The following PTH variants were observed in gnomAD, a reference collection of about 807,000 sequenced individuals.
PTH encodes parathormone.
In PTH, 7 loss-of-function variants were observed where a neutral mutation model predicts 7.4. That is an observed-to-expected ratio of 0.94 (90% CI 0.53 to 1.77). The LOEUF (loss-of-function observed/expected upper bound fraction) is 1.77, where lower values mean the gene tolerates loss of function less well. Among genes scored for constraint, PTH ranks in the 40% most tolerant of loss-of-function variants. The pLI, the probability that PTH is intolerant of heterozygous loss-of-function variation, is 0.00. For synonymous variants in PTH, 51 were observed against 46.6 expected (o/e 1.09, Z -0.39); for missense variants, 128 against 137.1 (o/e 0.93, Z 0.33).
chr11:13,495,154 T>G (rs2134094638), intron 1 of PTH, among the ~76,000 whole-genome samples: 1 of 152,366 alleles, frequency 6.6e-6, no homozygotes, highest in East Asian at 1.9e-4. Flanking sequence ...TTCTTCAACT[T>G]ATTTTATTAA....
At chr11:13,495,878 G>C (rs1847529959) in intron 1 of PTH, 33 bp downstream of exon 1, 1 of 152,160 alleles carries the variant, frequency 6.6e-6, no homozygotes, top group Non-Finnish European at 1.5e-5. Context: ...AAAATCTCAT[G>C]AGATTCAGAA....
chr11:13,492,569 C>G lies in PTH; in HGVS notation c.184G>C (p.Val62Leu). 1.2e-6 allele frequency: 2 copies of G among 1,614,158 alleles called. No homozygotes were observed. Among genetic ancestry groups the G allele is most frequent in the Non-Finnish European group, 1.7e-6 (2 of 1,180,022 alleles). ...GCTCCAAGGGCAACAAAATTGTGCA[C>G]ATCCTGCAGCTTCTTACGCAGCCAT... ...VEWLRKKLQD[V>L]HNFVALGAPL... Residue 62 changes from valine (V) to leucine (L), a missense_variant, in exon 3 of 3, where the codon GTG becomes CTG. Physicochemically the swap from Val to Leu is conservative, Grantham distance 32. Coordinates refer to ENST00000282091, the MANE Select transcript of PTH (RefSeq NM_000315.4).
rs886189291 is a variant in PTH at position 13,492,844 on chromosome 11, T to C, written c.12A>G (p.Ala4=). 1 of 1,613,810 alleles carries C rather than the reference T, an allele frequency of 6.2e-7. No homozygotes were observed. The highest frequency in any genetic ancestry group is 8.5e-7 in the Non-Finnish European group (1 of 1,179,862). MIP[A]KDMAKVMIVM... ...CAATCATAACTTTAGCCATGTCTTT[T>C]GCAGGTATCATCTTCACTAAAAGGA... Residue 4 remains alanine (A), a synonymous_variant, in exon 2 of 3, where the codon GCA becomes GCG. Coordinates refer to ENST00000282091, the MANE Select transcript of PTH (RefSeq NM_000315.4).
chr11:13,492,936 T>C, intron 1 of PTH, 76 bp from the exon 2 acceptor site: 1 of 1,326,420 alleles, frequency 7.5e-7, no homozygotes, highest in Non-Finnish European at 1.1e-6. Context: ...AATGCAATAC[T>C]AACTAATTGG....
At chr11:13,494,483 C>G (rs1349369997) in intron 1 of PTH, among the ~76,000 whole-genome samples, 3 of 152,154 alleles carry the variant, frequency 2.0e-5, no homozygotes, top group African/African-American at 7.2e-5. Context: ...AGATGAGCCC[C>G]TAAGAGCAGG....
Position 13,492,767 on chromosome 11 carries a change from T to C in PTH, c.86+3A>G. Reference sequence around the variant, plus strand: ...TCCAATTCCAAGGCAAAACAGTACTTACTTAACAGATTTCCCATCCGATTT... The same window carrying C: ...TCCAATTCCAAGGCAAAACAGTACTCACTTAACAGATTTCCCATCCGATTT... On this transcript the variant is annotated splice_donor_region_variant and intron_variant, in intron 2 of 2. Transcript: ENST00000282091. The C allele has an allele frequency of 6.2e-7, 1 of 1,613,928 alleles. No homozygotes were observed. Among genetic ancestry groups the C allele is most frequent in the Non-Finnish European group, 8.5e-7 (1 of 1,179,900 alleles).
intron 1 of PTH, among the ~76,000 whole-genome samples, chr11:13,493,824 A>T (rs1414323197): frequency 6.6e-6 from 1 of 152,020 alleles, no homozygotes. Flanking sequence ...ATGTTTTTAA[A>T]TTTTTTTTAA....
chr11:13,492,635 G>A lies in PTH; in HGVS notation c.118C>T (p.His40Tyr). 6.2e-7 allele frequency: 1 copy of A among 1,614,110 alleles called. No homozygotes were observed. Among genetic ancestry groups the A allele is most frequent in the Non-Finnish European group, 8.5e-7 (1 of 1,180,000 alleles). The change falls in exon 3 of 3, where the codon CAT (histidine) becomes TAT (tyrosine). Residue 40 changes from histidine (H) to tyrosine (Y), a missense_variant. By Grantham distance (83) the His-to-Tyr change is moderately conservative (BLOSUM62 2). Coordinates refer to ENST00000282091, the MANE Select transcript of PTH (RefSeq NM_000315.4). ...KRSVSEIQLM[H>Y]NLGKHLNSME... The stretch of plus-strand genomic sequence containing the variant: ...GAGTTCAGATGTTTTCCCAGGTTAT[G>A]CATAAGCTGTATTTCACTCACAGAT...
chr11:13,492,377 A>T lies in PTH; in HGVS notation c.*28T>A. On this transcript the variant is annotated 3_prime_UTR_variant, in exon 3 of 3. Coordinates refer to ENST00000282091, the MANE Select transcript of PTH (RefSeq NM_000315.4). ...ATTGTTGCCCTACACTGTCTAGAGC[A>T]GAACTCTGACAATATCTGTTTTCAT... 6.2e-7 allele frequency: 1 copy of T among 1,606,588 alleles called. No individual in the cohort carries two copies.
At chr11:13,493,444 A>G (rs987762450) in intron 1 of PTH, among the ~76,000 whole-genome samples, 1 of 152,240 alleles carries the variant, frequency 6.6e-6, no homozygotes, top group Non-Finnish European at 1.5e-5. Flanking sequence ...CATCAAGGCA[A>G]TGAAACACAA....
At chr11:13,494,455 C>T (rs140442486) in intron 1 of PTH, among the ~76,000 whole-genome samples, 1 of 152,184 alleles carries the variant, frequency 6.6e-6, no homozygotes, top group South Asian at 2.1e-4. Context: ...TGTAGTGTCA[C>T]AGGCTGTGCA....
At chr11:13,494,832 C>T (rs751610) in intron 1 of PTH, among the ~76,000 whole-genome samples, 26,441 of 152,102 alleles carry the variant, frequency 0.17, 2,609 homozygotes, top group Admixed American at 0.26. Context: ...GAAATCCCCC[C>T]GCACTGCATT....
At position 13,492,483 on chromosome 11, in the gene PTH, C is replaced by G. The variant is rs1281273724; in HGVS notation, c.270G>C (p.Leu90Phe). The G allele has an allele frequency of 2.5e-6, 4 of 1,614,140 alleles. No individual in the cohort carries two copies. The highest frequency in any genetic ancestry group is 3.4e-6 in the Non-Finnish European group (4 of 1,180,000). ...CAAGACTTTTTTCATGGCTCTCAAC[C>G]AAGACATTGTCTTCCTTTTTTCGGG... ...QRPRKKEDNV[L>F]VESHEKSLGE... The change falls in exon 3 of 3, where the codon TTG becomes TTC. Residue 90 changes from leucine to phenylalanine, a missense_variant. Transcript: ENST00000282091.
At chr11:13,493,435 A>C (rs1032018185) in intron 1 of PTH, among the ~76,000 whole-genome samples, 1 of 152,244 alleles carries the variant, frequency 6.6e-6, no homozygotes, top group African/African-American at 2.4e-5. Flanking sequence ...ACACTCAAAC[A>C]TCAAGGCAAT....
intron 1 of PTH, among the ~76,000 whole-genome samples, chr11:13,494,526 C>T (rs191525535): frequency 4.6e-5 from 7 of 152,132 alleles, no homozygotes; most frequent in African/African-American, 1.2e-4. Context: ...GCCACATCTT[C>T]CCTCAAATGT....
Position 13,492,278 on chromosome 11 carries a change from G to C in PTH, c.*127C>G. 8.8e-7 allele frequency: 1 copy of C among 1,139,748 alleles called. No homozygotes were observed. The highest frequency in any genetic ancestry group is 1.4e-5 in the South Asian group (1 of 70,696). The allele number at this position is 1,139,748 out of a possible 1,614,324, so 70.6% of individuals were successfully genotyped here. ...ATTGCAGTTATCATGGCTAGTGATGGATTACATGTAGTTTGTTATATCAGA... is the reference window on the plus strand; with the variant it reads ...ATTGCAGTTATCATGGCTAGTGATGCATTACATGTAGTTTGTTATATCAGA... On this transcript the variant is annotated 3_prime_UTR_variant, in exon 3 of 3. Coordinates refer to ENST00000282091, the MANE Select transcript of PTH (RefSeq NM_000315.4).
intron 1 of PTH, among the ~76,000 whole-genome samples, chr11:13,494,530 C>T (rs994464184): frequency 1.3e-5 from 2 of 152,180 alleles, no homozygotes; most frequent in African/African-American, 4.8e-5. Context: ...CATCTTCCCT[C>T]AAATGTGTGG....
At chr11:13,494,085 T>C (rs1264349275) in intron 1 of PTH, among the ~76,000 whole-genome samples, 1 of 151,770 alleles carries the variant, frequency 6.6e-6, no homozygotes, top group African/African-American at 2.4e-5. Flanking sequence ...TAATTCATGT[T>C]TTTTTTTTCT....
intron 1 of PTH, 92 bp from the exon 2 acceptor site, chr11:13,492,952 T>C: frequency 1.7e-6 from 2 of 1,182,690 alleles, no homozygotes; most frequent in African/African-American, 1.5e-5. Context: ...ATTGGGTTGG[T>C]TTTCACGAGA....
Sources: allele counts gnomAD v4.1 joint callset (sites outside exome capture counted in the v4.1 genomes callset), GRCh38; gene constraint gnomAD v4.1.1; transcripts MANE v1.5; gene names NCBI Gene and HGNC (gene_info 2026-07-23, HGNC 2026-07-21).